RIF1: variants seen among roughly 807,000 people sequenced by gnomAD.
The protein encoded by RIF1 is telomere-associated protein RIF1.
A neutral mutation model predicts 247.1 loss-of-function variants in RIF1; 45 were observed. That is an observed-to-expected ratio of 0.18 (90% CI 0.14 to 0.23). RIF1 has a LOEUF of 0.23. Ranked by LOEUF, RIF1 falls within the 10% of genes least tolerant of loss-of-function variation. The pLI, the probability that RIF1 is intolerant of heterozygous loss-of-function variation, is 1.00. For missense variants in RIF1, 2,967 were observed against 2,862.5 expected (o/e 1.04, Z -0.83); for synonymous variants, 1,087 against 978.8 (o/e 1.11, Z -2.06).
downstream of RIF1, among the ~76,000 whole-genome samples, chr2:151,511,727 TAC>T (rs1381956773): frequency 1.3e-5 from 2 of 152,198 alleles, no homozygotes; most frequent in African/African-American, 4.8e-5. Context: ...AAGGATGGCC[TAC>T]TTTTCTTCAT....
At chr2:151,492,314 T>C (rs774892753) in intron 9 of RIF1, 4 of 1,602,320 alleles carry the variant, frequency 2.5e-6, no homozygotes, top group South Asian at 1.1e-5. Flanking sequence ...TATGAAAATA[T>C]GATGGTGTGA....
At chr2:151,414,963 A>G (rs367584697) in intron 4 of RIF1, 44 bp downstream of exon 4, 23 of 1,251,324 alleles carry the variant, frequency 1.8e-5, no homozygotes, top group African/African-American at 1.8e-4. Flanking sequence ...AGTATAAAGT[A>G]TAAGTTTTAA....
At position 151,502,826 on chromosome 2, in the gene RIF1, C is replaced by T. The variant is rs1229640938; in HGVS notation, c.*710-208C>T. ...AGTTCTCTTGATTGCGTTTGACTCT[C>T]TCCATCTCTGGAGTGATAGGTGTTG... is the stretch of plus-strand genomic sequence containing the variant. On this transcript the variant is annotated intron_variant and NMD_transcript_variant, in intron 11 of 13. Transcript: ENST00000454583. 1.9e-6 allele frequency: 3 copies of T among 1,608,080 alleles called. No individual in the cohort carries two copies. Among genetic ancestry groups the T allele is most frequent in the South Asian group, 1.1e-5 (1 of 89,508 alleles).
chr2:151,472,051 A>G lies in RIF1; in HGVS notation c.7096-1913A>G, dbSNP rs556202787. Among the ~76,000 whole-genome samples, 20 of 152,196 alleles carry G rather than the reference A, an allele frequency of 1.3e-4. No individual in the cohort carries two copies. In the East Asian group the frequency reaches 3.7e-3, roughly 28 times the overall value. On this transcript the variant is annotated intron_variant, in intron 34 of 35. Coordinates refer to ENST00000444746, the MANE Select transcript of RIF1 (RefSeq NM_018151.5). ...TGTGTCCTCTTTTATTTCATTGAGC[A>G]GTGGTTTGTAGTTCTCCTTGAAGAG...
At chr2:151,490,494 T>G in intron 9 of RIF1, 1 of 1,609,432 alleles carries the variant, frequency 6.2e-7, no homozygotes, top group Non-Finnish European at 8.5e-7. Flanking sequence ...TCGTGACTGC[T>G]CCCGGCTCCG....
At chr2:151,529,496 C>G in the RIF1 span, among the ~76,000 whole-genome samples, 1 of 151,828 alleles carries the variant, frequency 6.6e-6, no homozygotes. Flanking sequence ...TATCTCAGAT[C>G]AGGGCACACT....
At chr2:151,526,275 G>A in the RIF1 span, 1 of 1,565,086 alleles carries the variant, frequency 6.4e-7, no homozygotes, top group South Asian at 1.1e-5. Flanking sequence ...TCAGGGGCAG[G>A]AAAAGGGGCA....
chr2:151,503,082 A>G (rs1375923739), exon 12 of RIF1: 2 of 583,694 alleles, frequency 3.4e-6, no homozygotes, highest in Non-Finnish European at 6.0e-6. Flanking sequence ...AAAAAGTACA[A>G]TGGAAAGCAT....
rs377146982 is a variant in RIF1, at chr2:151,440,115, A to T, written c.1635A>T (p.Val545=). The change falls in exon 15 of 36, where the codon GTA becomes GTT. Residue 545 remains valine (V), a synonymous_variant. Transcript: ENST00000444746. ...ESIVKSEVFP[V]SKTLVLMEIT... is the part of the protein sequence containing the mutation. ...TAGTAAAGTCTGAAGTATTTCCTGTATCAAAAACGCTGGTAAGTATAATAC... is the reference window on the plus strand; with the variant it reads ...TAGTAAAGTCTGAAGTATTTCCTGTTTCAAAAACGCTGGTAAGTATAATAC... 115 of 1,562,180 alleles carry T rather than the reference A, an allele frequency of 7.4e-5. No individual in the cohort carries two copies. The highest frequency in any genetic ancestry group is 7.7e-5 in the Non-Finnish European group (88 of 1,142,252).
intron 21 of RIF1, among the ~76,000 whole-genome samples, chr2:151,453,430 A>T (rs1434988547): frequency 6.6e-6 from 1 of 152,038 alleles, no homozygotes; most frequent in African/African-American, 2.4e-5. Flanking sequence ...TACAAAAATT[A>T]GCAAGCCATG....
chr2:151,513,156 A>G, the RIF1 span, among the ~76,000 whole-genome samples: 1 of 152,346 alleles, frequency 6.6e-6, no homozygotes, highest in East Asian at 1.9e-4. Flanking sequence ...CAAAAGACCC[A>G]TACCAATGAG....
chr2:151,459,849 T>C, intron 25 of RIF1, 151 bp from the exon 26 acceptor site: 1 of 660,700 alleles, frequency 1.5e-6, no homozygotes, highest in Non-Finnish European at 2.5e-6. Context: ...GACAGTGGCT[T>C]TCCTTTCTTT....
chr2:151,507,466 A>G (rs1315954507), intron 13 of RIF1, among the ~76,000 whole-genome samples: 1 of 152,198 alleles, frequency 6.6e-6, no homozygotes, highest in African/African-American at 2.4e-5. Flanking sequence ...AAAGCAGGCA[A>G]TAAGCCTCTC....
chr2:151,474,761 T>G, intron 35 of RIF1, 96 bp from the exon 36 acceptor site: 1 of 727,670 alleles, frequency 1.4e-6, no homozygotes, highest in South Asian at 1.7e-5. Flanking sequence ...TCTCTCAATT[T>G]GAAACCTAGG....
intron 6 of RIF1, among the ~76,000 whole-genome samples, chr2:151,419,304 C>G (rs1166908598): frequency 6.6e-6 from 1 of 151,872 alleles, no homozygotes; most frequent in East Asian, 1.9e-4. Context: ...AAACCAGTAA[C>G]TTAGTCATTT....
rs550278575 is a variant in RIF1, at chr2:151,480,861, C to G, written c.*5790C>G. ...AACTGAAGGATGGCAGTCTTAACTC[C>G]TAAGTTTTTTACAGAGCACAGATTG... On this transcript the variant is annotated 3_prime_UTR_variant, in exon 36 of 36. Transcript: ENST00000444746. The G allele has an allele frequency of 2.6e-5, 4 of 152,242 alleles. No individual in the cohort carries two copies. The South Asian group carries it at 6.2e-4, about 24-fold the overall frequency. The allele number at this position is 152,242 out of a possible 1,614,324, so 9.4% of individuals were successfully genotyped here. A position where few individuals can be genotyped will look rare whatever the true frequency, so the allele number is the denominator to read the frequency against.
chr2:151,431,779 CTGAATGAATGAATGAATGAA>C (rs10681364), intron 9 of RIF1, among the ~76,000 whole-genome samples: 38 of 149,544 alleles, frequency 2.5e-4, no homozygotes, highest in Non-Finnish European at 4.4e-4. Flanking sequence ...ACTTCCGTCT[CTGAATGAATGAATGAATGAA>C]TGAATGAATG....
At chr2:151,437,073 G>T in intron 12 of RIF1, 70 bp downstream of exon 12, 3 of 1,392,070 alleles carry the variant, frequency 2.2e-6, no homozygotes, top group Non-Finnish European at 2.0e-6. Context: ...GGGGTGAGGA[G>T]AGGTGTTATT....
chr2:151,497,536 T>TA, intron 10 of RIF1: 2 of 1,503,892 alleles, frequency 1.3e-6, no homozygotes, highest in Non-Finnish European at 1.8e-6. Context: ...AAGTTGTCTT[T>TA]AAAAAGTAGG....
Sources: gnomAD v4.1 joint callset for allele counts (sites outside exome capture counted in the v4.1 genomes callset) on GRCh38, gnomAD v4.1.1 for gene constraint, MANE v1.5 for transcripts, NCBI Gene and HGNC (gene_info 2026-07-23, HGNC 2026-07-21) for gene names.